The following MRPS27 variants were observed in gnomAD, a reference collection of about 807,000 sequenced individuals.
The protein encoded by MRPS27 is small ribosomal subunit protein mS27.
A neutral mutation model predicts 48.9 loss-of-function variants in MRPS27; 43 were observed. That is an observed-to-expected ratio of 0.88 (90% CI 0.69 to 1.13). MRPS27 has a LOEUF of 1.13. Among genes scored for constraint, MRPS27 ranks in the 50% most tolerant of loss-of-function variants. The pLI is 0.00. For missense variants in MRPS27, 467 were observed against 476.3 expected (o/e 0.98, Z 0.18); for synonymous variants, 188 against 171.9 (o/e 1.09, Z -0.73).
At chr5:72,252,567 C>T (rs1362393574) in intron 4 of MRPS27, among the ~76,000 whole-genome samples, 1 of 152,116 alleles carries the variant, frequency 6.6e-6, no homozygotes, top group Non-Finnish European at 1.5e-5. Flanking sequence ...AAAATCCTAG[C>T]CTAAGAGCCC....
intron 4 of MRPS27, among the ~76,000 whole-genome samples, chr5:72,283,587 G>A (rs923795369): frequency 2.0e-5 from 3 of 152,136 alleles, no homozygotes; most frequent in Non-Finnish European, 2.9e-5. Context: ...TCCAACTAGT[G>A]CCAATACACC....
chr5:72,290,925 A>G (rs1749800818), intron 4 of MRPS27, among the ~76,000 whole-genome samples: 1 of 152,168 alleles, frequency 6.6e-6, no homozygotes, highest in Non-Finnish European at 1.5e-5. Context: ...TGCTGCTACC[A>G]CTGGGAAAGA....
intron 4 of MRPS27, among the ~76,000 whole-genome samples, chr5:72,244,689 G>GT (rs1425602196): frequency 2.7e-5 from 3 of 112,616 alleles, no homozygotes; most frequent in African/African-American, 1.8e-4. Context: ...ATTTTTTTTT[G>GT]TTTTTTTAAG....
At chr5:72,308,163 C>T (rs1213578901) in intron 2 of MRPS27, among the ~76,000 whole-genome samples, 1 of 152,200 alleles carries the variant, frequency 6.6e-6, no homozygotes, top group Non-Finnish European at 1.5e-5. Context: ...GGGAAACTGC[C>T]CTCACGCTAG....
intron 2 of MRPS27, among the ~76,000 whole-genome samples, chr5:72,309,106 A>C (rs1435977329): frequency 6.6e-6 from 1 of 151,982 alleles, no homozygotes; most frequent in Non-Finnish European, 1.5e-5. Flanking sequence ...ATCGATTCTG[A>C]CTGGAGAGAT....
intron 4 of MRPS27, among the ~76,000 whole-genome samples, chr5:72,279,815 C>T (rs908553664): frequency 5.3e-5 from 8 of 151,886 alleles, no homozygotes; most frequent in Non-Finnish European, 8.8e-5. Flanking sequence ...TGTTATACTA[C>T]TATTAATATT....
At chr5:72,258,260 T>C (rs534169267) in intron 4 of MRPS27, among the ~76,000 whole-genome samples, 28 of 152,224 alleles carry the variant, frequency 1.8e-4, no homozygotes, top group African/African-American at 6.3e-4. Context: ...GGCCTACTGT[T>C]CCAACGTGCA....
At chr5:72,315,521 C>A (rs1423907956) in intron 1 of MRPS27, among the ~76,000 whole-genome samples, 7 of 147,780 alleles carry the variant, frequency 4.7e-5, no homozygotes, top group African/African-American at 1.8e-4. Context: ...CATGCCACTG[C>A]ACTCCAGCCT....
At chr5:72,298,214 A>G (rs1750030255) in intron 2 of MRPS27, among the ~76,000 whole-genome samples, 1 of 152,186 alleles carries the variant, frequency 6.6e-6, no homozygotes, top group Admixed American at 6.5e-5. Context: ...TTAAAAAATG[A>G]GCAAAAGACA....
At chr5:72,280,036 T>C (rs1749493597) in intron 4 of MRPS27, among the ~76,000 whole-genome samples, 4 of 152,226 alleles carry the variant, frequency 2.6e-5, no homozygotes, top group Admixed American at 2.0e-4. Context: ...TCCAGATATG[T>C]AGATACATTT....
intron 4 of MRPS27, among the ~76,000 whole-genome samples, chr5:72,255,501 A>G (rs1748777186): frequency 1.3e-5 from 2 of 152,330 alleles, no homozygotes; most frequent in South Asian, 4.1e-4. Context: ...ACCATTGTTC[A>G]ATGCCCATGC....
intron 1 of MRPS27, chr5:72,314,378 CAAT>C: frequency 2.7e-6 from 1 of 376,422 alleles, no homozygotes; most frequent in African/African-American, 2.0e-5. Context: ...AGGATTTTCA[CAAT>C]AATTTTTTAA....
At chr5:72,233,939 TAAAATA>T (rs947847025) in intron 6 of MRPS27, among the ~76,000 whole-genome samples, 174 bp downstream of exon 6, 6 of 152,160 alleles carry the variant, frequency 3.9e-5, no homozygotes, top group Non-Finnish European at 7.4e-5. Flanking sequence ...TTTTCTATCT[TAAAATA>T]AAAATAATGT....
chr5:72,268,346 C>A (rs1369730511), intron 4 of MRPS27, among the ~76,000 whole-genome samples: 1 of 152,194 alleles, frequency 6.6e-6, no homozygotes, highest in Non-Finnish European at 1.5e-5. Flanking sequence ...AAATACTCGG[C>A]AACATTTGCA....
intron 4 of MRPS27, among the ~76,000 whole-genome samples, chr5:72,288,210 C>CTT (rs34161754): frequency 8.5e-5 from 12 of 141,418 alleles, no homozygotes; most frequent in East Asian, 4.1e-4. Context: ...GGCAAGAATT[C>CTT]TTTTTTTTTT....
At chr5:72,228,570 T>C in intron 7 of MRPS27, 3 of 412,998 alleles carry the variant, frequency 7.3e-6, no homozygotes, top group Non-Finnish European at 8.5e-6. Flanking sequence ...AAATACCCTA[T>C]ATGTTAATGG....
chr5:72,235,767 C>A (rs565797781), intron 5 of MRPS27, among the ~76,000 whole-genome samples: 2 of 152,134 alleles, frequency 1.3e-5, no homozygotes, highest in Non-Finnish European at 2.9e-5. Flanking sequence ...CACATAAATC[C>A]TTCCTTCCTA....
intron 1 of MRPS27, among the ~76,000 whole-genome samples, chr5:72,314,867 AC>A (rs951944557): frequency 3.3e-5 from 5 of 152,232 alleles, no homozygotes; most frequent in African/African-American, 1.2e-4. Context: ...TGCCTAAAAA[AC>A]ATTTTCATCT....
At chr5:72,303,213 T>C (rs1750168202) in intron 2 of MRPS27, among the ~76,000 whole-genome samples, 1 of 152,236 alleles carries the variant, frequency 6.6e-6, no homozygotes, top group Non-Finnish European at 1.5e-5. Flanking sequence ...GAGATGACTT[T>C]ATGGACATAT....
Sources: gnomAD v4.1 joint callset for allele counts (sites outside exome capture counted in the v4.1 genomes callset) on GRCh38, gnomAD v4.1.1 for gene constraint, MANE v1.5 for transcripts, NCBI Gene and HGNC (gene_info 2026-07-23, HGNC 2026-07-21) for gene names.